Variants in KHDRBS2 observed in about 807,000 individuals in gnomAD.
KHDRBS2 encodes the protein KH RNA binding domain containing, signal transduction associated 2.
KHDRBS2 carries 26 observed loss-of-function variants against 44.3 expected under a neutral mutation model. The ratio of observed to expected loss-of-function variants is 0.59; its 90% CI spans 0.43 to 0.81. KHDRBS2 has a LOEUF of 0.81. Among genes scored for constraint, KHDRBS2 ranks in the 40% least tolerant of loss-of-function variants. The pLI is 0.00. For missense variants in KHDRBS2, 476 were observed against 433.1 expected, an observed-to-expected ratio of 1.10 and a Z score of -0.88; for synonymous variants, 194 against 151.1, an observed-to-expected ratio of 1.28 and a Z score of -2.08.
chr6:62,274,922 TATAC>T (rs919920645), intron 1 of KHDRBS2, among the ~76,000 whole-genome samples: 1 of 151,890 alleles, frequency 6.6e-6, no homozygotes, highest in African/African-American at 2.4e-5. Flanking sequence ...AAACACAATA[TATAC>T]ATATATCGCT....
At chr6:61,544,997 G>T in the KHDRBS2 span, among the ~76,000 whole-genome samples, 1 of 151,954 alleles carries the variant, frequency 6.6e-6, no homozygotes, top group Non-Finnish European at 1.5e-5. Flanking sequence ...GAGTTAATGG[G>T]TGCAGCACAC....
At chr6:62,070,272 T>G (rs1434364000) in intron 2 of KHDRBS2, among the ~76,000 whole-genome samples, 1 of 151,772 alleles carries the variant, frequency 6.6e-6, no homozygotes, top group East Asian at 1.9e-4. Flanking sequence ...TTTTTCTGTC[T>G]TTGTCTGGTT....
intron 2 of KHDRBS2, among the ~76,000 whole-genome samples, chr6:62,105,718 C>A (rs966134288): frequency 3.3e-5 from 5 of 152,014 alleles, no homozygotes; most frequent in African/African-American, 4.8e-5. Flanking sequence ...TTGATCCTTT[C>A]AAAAAACCAG....
At chr6:62,169,887 T>C (rs1039194494) in intron 2 of KHDRBS2, among the ~76,000 whole-genome samples, 6 of 151,754 alleles carry the variant, frequency 4.0e-5, no homozygotes, top group African/African-American at 1.5e-4. Flanking sequence ...AGCAGTAAGA[T>C]TGATCCATCC....
At chr6:61,569,404 C>G in the KHDRBS2 span, among the ~76,000 whole-genome samples, 405 of 152,266 alleles carry the variant, frequency 2.7e-3, 3 homozygotes, top group African/African-American at 9.4e-3. Flanking sequence ...AAAATTAGAG[C>G]AAGCTTAGAT....
intron 7 of KHDRBS2, among the ~76,000 whole-genome samples, chr6:61,721,438 A>G (rs1325080053): frequency 6.7e-6 from 1 of 149,158 alleles, no homozygotes; most frequent in African/African-American, 2.5e-5. Flanking sequence ...ATTTGTTTGT[A>G]TCCTCTTTTA....
At chr6:61,734,869 A>G (rs1001498574) in intron 6 of KHDRBS2, among the ~76,000 whole-genome samples, 1 of 152,162 alleles carries the variant, frequency 6.6e-6, no homozygotes, top group African/African-American at 2.4e-5. Flanking sequence ...TATGTGTAAC[A>G]TGGAGACTAT....
rs531537677 is a variant in KHDRBS2 at position 62,121,202 on chromosome 6, G to C, written c.219+55983C>G. Among the ~76,000 whole-genome samples, 3 of 152,296 alleles carry C rather than the reference G, an allele frequency of 2.0e-5. No individual in the cohort carries two copies. In the East Asian group the frequency reaches 5.8e-4, roughly 29 times the overall value. On this transcript the variant is annotated intron_variant, in intron 2 of 8. Coordinates refer to ENST00000281156, the MANE Select transcript of KHDRBS2 (RefSeq NM_152688.4). ...AATCCCCACATTGGCTCCCTGACTG[G>C]TAGGATGAGAGCCATTATGGTGGGA...
At chr6:61,822,708 T>C (rs552674895) in intron 6 of KHDRBS2, among the ~76,000 whole-genome samples, 2 of 152,150 alleles carry the variant, frequency 1.3e-5, no homozygotes, top group African/African-American at 4.8e-5. Context: ...GCTTTTGTGT[T>C]CAGTTCTCTG....
intron 4 of KHDRBS2, among the ~76,000 whole-genome samples, chr6:61,950,091 C>A (rs1338177154): frequency 6.6e-6 from 1 of 151,986 alleles, no homozygotes; most frequent in Non-Finnish European, 1.5e-5. Context: ...GATTGCATGA[C>A]TAAAAATTCC....
At chr6:62,032,080 A>G (rs1395131329) in intron 3 of KHDRBS2, among the ~76,000 whole-genome samples, 5 of 152,126 alleles carry the variant, frequency 3.3e-5, no homozygotes, top group South Asian at 2.1e-4. Flanking sequence ...GGAAGAGAAC[A>G]TAAGTCTCTG....
chr6:62,221,742 A>G (rs577076205), intron 1 of KHDRBS2, among the ~76,000 whole-genome samples: 1 of 152,240 alleles, frequency 6.6e-6, no homozygotes, highest in Admixed American at 6.5e-5. Context: ...TAAGTCAATC[A>G]GAAAAAAAAG....
intron 3 of KHDRBS2, among the ~76,000 whole-genome samples, chr6:62,003,612 C>A (rs1156409854): frequency 6.6e-6 from 1 of 152,018 alleles, no homozygotes; most frequent in African/African-American, 2.4e-5. Flanking sequence ...ATCAAAGAGA[C>A]AGAAGGTTAA....
intron 6 of KHDRBS2, among the ~76,000 whole-genome samples, chr6:61,822,811 C>A (rs1790154908): frequency 6.6e-6 from 1 of 152,002 alleles, no homozygotes; most frequent in Non-Finnish European, 1.5e-5. Flanking sequence ...ATAACCTCAA[C>A]TAAATACTCT....
At chr6:61,564,027 A>G in the KHDRBS2 span, among the ~76,000 whole-genome samples, 1 of 152,084 alleles carries the variant, frequency 6.6e-6, no homozygotes, top group African/African-American at 2.4e-5. Flanking sequence ...CTGGTCAAGA[A>G]GAAGGATTTT....
At chr6:61,584,170 C>T in the KHDRBS2 span, among the ~76,000 whole-genome samples, 292 of 151,838 alleles carry the variant, frequency 1.9e-3, 3 homozygotes, top group Non-Finnish European at 3.5e-3. Flanking sequence ...TAAAGACAGT[C>T]TTAGTATTTC....
intron 8 of KHDRBS2, among the ~76,000 whole-genome samples, chr6:61,685,337 A>G (rs1766704528): frequency 6.6e-6 from 1 of 151,860 alleles, no homozygotes; most frequent in Admixed American, 6.6e-5. Context: ...TGAAAGGAGA[A>G]ATCGTCTACA....
intron 7 of KHDRBS2, among the ~76,000 whole-genome samples, chr6:61,723,722 C>T (rs1773083039): frequency 6.6e-6 from 1 of 151,960 alleles, no homozygotes; most frequent in Admixed American, 6.6e-5. Flanking sequence ...GGATGAAAGA[C>T]AGAGCTTGAA....
intron 2 of KHDRBS2, among the ~76,000 whole-genome samples, chr6:62,169,187 A>C (rs1819458345): frequency 6.8e-6 from 1 of 146,466 alleles, no homozygotes. Flanking sequence ...ATGTATATAT[A>C]CGTATACATA....
Sources: gnomAD v4.1 joint callset for allele counts (sites outside exome capture counted in the v4.1 genomes callset) on GRCh38, gnomAD v4.1.1 for gene constraint, MANE v1.5 for transcripts, NCBI Gene and HGNC (gene_info 2026-07-23, HGNC 2026-07-21) for gene names.